The following DMRT1 variants were observed in gnomAD, a reference collection of about 807,000 sequenced individuals.
DMRT1 encodes the protein doublesex- and mab-3-related transcription factor 1.
Under a neutral mutation model 32.3 loss-of-function variants are expected in DMRT1, and 7 were observed. The ratio of observed to expected loss-of-function variants is 0.22; its 90% CI spans 0.12 to 0.41. DMRT1 has a LOEUF of 0.41. DMRT1 is among the 10% of genes least tolerant of loss of function. The pLI is 1.00. For missense variants in DMRT1, 625 were observed against 500.5 expected, an observed-to-expected ratio of 1.25 and a Z score of -2.37; for synonymous variants, 278 against 206.1, an observed-to-expected ratio of 1.35 and a Z score of -2.99.
At position 939,009 on chromosome 9, in the gene DMRT1, C is replaced by G. The variant is rs369599200; in HGVS notation, c.967+22102C>G. Among the ~76,000 whole-genome samples, 61 of 152,292 alleles carry G rather than the reference C, an allele frequency of 4.0e-4. 2 individuals are homozygous for G. In the South Asian group the frequency reaches 0.012, roughly 30 times the overall value. On this transcript the variant is annotated intron_variant, in intron 4 of 4. Transcript: ENST00000382276. Reference sequence around the variant, plus strand: ...GTCAACTGCTCAGTGATCTTGTAACCCACCCCTGCCTTCACTGGTTAGGTT... The same window carrying G: ...GTCAACTGCTCAGTGATCTTGTAACGCACCCCTGCCTTCACTGGTTAGGTT...
intron 2 of DMRT1, among the ~76,000 whole-genome samples, chr9:868,811 A>G (rs1208274184): frequency 6.6e-6 from 1 of 152,176 alleles, no homozygotes; most frequent in African/African-American, 2.4e-5. Context: ...GGAGTTTGAG[A>G]TCAGCCTGGG....
chr9:940,943 A>G (rs279908), intron 4 of DMRT1, among the ~76,000 whole-genome samples: 2,267 of 152,346 alleles, frequency 0.015, 27 homozygotes, highest in Non-Finnish European at 0.022. Context: ...AAGGATGCTC[A>G]ATATCTAATC....
At chr9:850,605 C>G (rs1839102327) in intron 2 of DMRT1, among the ~76,000 whole-genome samples, 1 of 152,154 alleles carries the variant, frequency 6.6e-6, no homozygotes, top group Admixed American at 6.5e-5. Flanking sequence ...GTCTGTTTAT[C>G]CTTTTCATAT....
In DMRT1 at chr9:867,549, C is replaced by T. The variant is rs80135256; in HGVS notation, c.538+20406C>T. Among the ~76,000 whole-genome samples, 1,317 of 152,264 alleles carry T rather than the reference C, an allele frequency of 8.6e-3. 20 individuals are homozygous for T. Among genetic ancestry groups the T allele is most frequent in the African/African-American group, 0.03 (1,242 of 41,562 alleles). ...TATTTATATTTTCATTTAATCTTTA[C>T]GGCAACTCTGTAAATAGGAAGTATG... On this transcript the variant is annotated intron_variant, in intron 2 of 4. Transcript: ENST00000382276.
intron 2 of DMRT1, among the ~76,000 whole-genome samples, chr9:876,850 T>C (rs973397350): frequency 7.9e-5 from 12 of 152,152 alleles, no homozygotes; most frequent in African/African-American, 2.7e-4. Context: ...TGAGAATGTC[T>C]ATCAGCCAGA....
At chr9:854,215 C>G (rs1815290632) in intron 2 of DMRT1, among the ~76,000 whole-genome samples, 1 of 151,906 alleles carries the variant, frequency 6.6e-6, no homozygotes, top group South Asian at 2.1e-4. Flanking sequence ...CTCCTGGACT[C>G]AAGTAATCCT....
intron 4 of DMRT1, among the ~76,000 whole-genome samples, chr9:945,185 G>A (rs996155772): frequency 6.6e-6 from 1 of 151,900 alleles, no homozygotes; most frequent in Non-Finnish European, 1.5e-5. Flanking sequence ...ATGGAGTCTT[G>A]CTCTGTTGCC....
intron 2 of DMRT1, among the ~76,000 whole-genome samples, chr9:873,860 A>G (rs1816382031): frequency 6.6e-6 from 1 of 152,210 alleles, no homozygotes; most frequent in South Asian, 2.1e-4. Context: ...GGAAGTGAGA[A>G]AAAGAAAAGA....
At chr9:946,942 A>G (rs1819265487) in intron 4 of DMRT1, among the ~76,000 whole-genome samples, 1 of 152,250 alleles carries the variant, frequency 6.6e-6, no homozygotes, top group South Asian at 2.1e-4. Context: ...GTGCCCATCA[A>G]GATACCAAAG....
At chr9:852,021 C>T (rs1245508090) in intron 2 of DMRT1, among the ~76,000 whole-genome samples, 2 of 151,408 alleles carry the variant, frequency 1.3e-5, no homozygotes, top group South Asian at 4.2e-4. Context: ...CTCACTGCAA[C>T]CTCTGCCTCC....
chr9:872,974 A>G (rs981662006), intron 2 of DMRT1, among the ~76,000 whole-genome samples: 18 of 152,144 alleles, frequency 1.2e-4, no homozygotes, highest in Non-Finnish European at 2.2e-4. Flanking sequence ...GATCTTCTCT[A>G]CTCTGTTCAT....
At chr9:847,369 A>C (rs536161413) in intron 2 of DMRT1, among the ~76,000 whole-genome samples, 1 of 152,314 alleles carries the variant, frequency 6.6e-6, no homozygotes, top group African/African-American at 2.4e-5. Flanking sequence ...ATTAGTCAAG[A>C]CTGAGTCTGG....
chr9:858,227 C>G (rs1038652692), intron 2 of DMRT1, among the ~76,000 whole-genome samples: 2 of 152,232 alleles, frequency 1.3e-5, no homozygotes, highest in Non-Finnish European at 2.9e-5. Context: ...GAGGGCAGTT[C>G]ACAAAGACTT....
rs542253124 is a variant in DMRT1 at position 887,890 on chromosome 9, C to T, written c.539-6022C>T. Among the ~76,000 whole-genome samples the T allele has an allele frequency of 2.4e-3, 360 of 152,230 alleles. 2 individuals are homozygous for T. The highest frequency in any genetic ancestry group is 7.5e-3 in the African/African-American group (313 of 41,524). ...TAATGTTTAAAGTATGTTTTTGTGC[C>T]TTTGACAACATTTAAAGAAAGCTTT... On this transcript the variant is annotated intron_variant, in intron 2 of 4. Transcript: ENST00000382276.
intron 4 of DMRT1, among the ~76,000 whole-genome samples, chr9:951,150 T>G (rs569625667): frequency 6.6e-6 from 1 of 152,280 alleles, no homozygotes; most frequent in East Asian, 1.9e-4. Flanking sequence ...AGAGCCTCAT[T>G]GAAGCACTAG....
At chr9:948,574 T>C (rs148142844) in intron 4 of DMRT1, among the ~76,000 whole-genome samples, 175 of 151,894 alleles carry the variant, frequency 1.2e-3, no homozygotes, top group African/African-American at 3.9e-3. Flanking sequence ...TCCCCTGCGC[T>C]CTGCTGTGTT....
chr9:903,433 T>C (rs920295233), intron 3 of DMRT1, among the ~76,000 whole-genome samples: 4 of 152,238 alleles, frequency 2.6e-5, no homozygotes, highest in African/African-American at 9.6e-5. Context: ...ATCTGGTTTT[T>C]ATTACACCTT....
chr9:920,380 C>T (rs900735368), intron 4 of DMRT1, among the ~76,000 whole-genome samples: 2 of 152,032 alleles, frequency 1.3e-5, no homozygotes, highest in African/African-American at 4.8e-5. Context: ...GTGAGCGGTG[C>T]CTTAGAAGCC....
At chr9:877,251 A>AT (rs542110573) in intron 2 of DMRT1, among the ~76,000 whole-genome samples, 246 of 152,354 alleles carry the variant, frequency 1.6e-3, no homozygotes, top group African/African-American at 5.1e-3. Context: ...GAATAAAAAA[A>AT]TTGAGTGGTC....
Sources: gnomAD v4.1 joint callset for allele counts (sites outside exome capture counted in the v4.1 genomes callset) on GRCh38, gnomAD v4.1.1 for gene constraint, MANE v1.5 for transcripts, NCBI Gene and HGNC (gene_info 2026-07-23, HGNC 2026-07-21) for gene names.